The following DMD variants were observed in gnomAD, a reference collection of about 807,000 sequenced individuals.
The protein encoded by DMD is dystrophin.
Under a neutral mutation model 330.1 loss-of-function variants are expected in DMD, and 63 were observed. The ratio of observed to expected loss-of-function variants is 0.19; its 90% confidence interval spans 0.16 to 0.24. DMD has a LOEUF of 0.24. Among genes scored for constraint, DMD ranks in the 10% least tolerant of loss-of-function variants. The pLI is 1.00. For synonymous variants in DMD, 1,223 were observed against 959.8 expected (o/e 1.27, Z -5.07); for missense variants, 3,344 against 2,684.1 (o/e 1.25, Z -5.43).
intron 4 of DMD, among the ~76,000 whole-genome samples, chrX:32,835,125 A>C (rs1458117200): frequency 8.9e-6 from 1 of 112,102 alleles, no homozygotes; most frequent in Non-Finnish European, 1.9e-5. Flanking sequence ...GAACTTAGTT[A>C]TATCCAAGGA....
rs1343543119 is a variant in DMD at position 31,119,750 on chromosome X, C to T, written c.*2169G>A. On this transcript the variant is annotated 3_prime_UTR_variant, in exon 79 of 79. Coordinates refer to ENST00000357033, the MANE Select transcript of DMD (RefSeq NM_004006.3). The stretch of plus-strand genomic sequence containing the variant: ...TGTTTTAAATCTGAGTTTTAAAAAT[C>T]CTTGGGTAAAGAAAAGGTCCAGCGT... The T allele has an allele frequency of 9.0e-6, 1 of 110,975 alleles. No homozygotes were observed. Among genetic ancestry groups the T allele is most frequent in the African/African-American group, 3.3e-5 (1 of 30,634 alleles). 9.1% of individuals were successfully genotyped at this position (110,975 alleles called of 1,213,427 possible).
intron 1 of DMD, among the ~76,000 whole-genome samples, chrX:33,179,690 T>A (rs1281143711): frequency 1.0e-5 from 1 of 97,886 alleles, no homozygotes; most frequent in African/African-American, 4.3e-5. Flanking sequence ...CGAGACTCCG[T>A]CTCAAAAAAA....
At chrX:33,315,715 T>C in intron 1 of DMD, among the ~76,000 whole-genome samples, 1 of 112,059 alleles carries the variant, frequency 8.9e-6, no homozygotes, top group Non-Finnish European at 1.9e-5. Context: ...TGAGTCCTCC[T>C]AAGGAATAAT....
At chrX:31,951,111 C>CTATATATATA (rs1190843934) in intron 45 of DMD, among the ~76,000 whole-genome samples, 5 of 66,855 alleles carry the variant, frequency 7.5e-5, no homozygotes, top group Non-Finnish European at 1.1e-4. Flanking sequence ...AACACACATA[C>CTATATATATA]TATATATATA....
intron 47 of DMD, among the ~76,000 whole-genome samples, chrX:31,882,722 A>G (rs1245621846): frequency 8.9e-6 from 1 of 112,272 alleles, no homozygotes; most frequent in African/African-American, 3.2e-5. Flanking sequence ...ATGACTTCAC[A>G]TAAGAGGATA....
intron 7 of DMD, among the ~76,000 whole-genome samples, chrX:32,701,520 T>C (rs2147640291): frequency 8.9e-6 from 1 of 111,827 alleles, no homozygotes; most frequent in South Asian, 3.7e-4. Context: ...TTTCAAAATA[T>C]TTGACCAATT....
rs2052480693 is a variant in DMD, at chrX:33,236,273, T to C, written c.7+102986A>G. ...TTGGCTTCTCCTTCCTTTTTTTTTTTCTTTTTTTTTGACAAAGTTTCCCTC... is the reference window on the plus strand; with the variant it reads ...TTGGCTTCTCCTTCCTTTTTTTTTTCCTTTTTTTTTGACAAAGTTTCCCTC... On this transcript the variant is annotated intron_variant, in intron 1 of 17. Coordinates refer to the DMD transcript ENST00000288447. 2.9e-5 allele frequency among the ~76,000 whole-genome samples: 3 copies of C among 104,415 alleles called. No individual in the cohort carries two copies. The Admixed American group carries it at 3.2e-4, about 11-fold the overall frequency. 90.7% of individuals were successfully genotyped at this position (104,415 alleles called of 115,157 possible). A position where few individuals can be genotyped will look rare whatever the true frequency, so the allele number is the denominator to read the frequency against.
chrX:33,142,933 G>A (rs756453165), intron 1 of DMD, among the ~76,000 whole-genome samples: 16 of 111,563 alleles, frequency 1.4e-4, no homozygotes, highest in Admixed American at 5.8e-4. Context: ...GGAGTCAGAT[G>A]TTCAGTATGA....
intron 45 of DMD, among the ~76,000 whole-genome samples, chrX:31,948,120 A>T (rs1036216589): frequency 2.7e-5 from 3 of 111,437 alleles, no homozygotes; most frequent in Non-Finnish European, 3.8e-5. Flanking sequence ...ATCATTCAGT[A>T]TTTGCCCTTT....
At chrX:31,757,499 C>G (rs2089212560) in intron 51 of DMD, among the ~76,000 whole-genome samples, 1 of 111,564 alleles carries the variant, frequency 9.0e-6, no homozygotes, top group African/African-American at 3.3e-5. Context: ...TTATAAACAA[C>G]AGAATTTATT....
At position 32,109,278 on chromosome X, in the gene DMD, G is replaced by C. The variant is rs2096578618; in HGVS notation, c.6438+107638C>G. The stretch of plus-strand genomic sequence containing the variant: ...TGCATTTAGAGACTCTATGCGCCCA[G>C]AATAATTCTGTGATATGTATTTCTC... On this transcript the variant is annotated intron_variant, in intron 44 of 78. Coordinates refer to ENST00000357033, the MANE Select transcript of DMD (RefSeq NM_004006.3). 2.7e-5 allele frequency among the ~76,000 whole-genome samples: 3 copies of C among 110,532 alleles called. No homozygotes were observed. The Admixed American group carries it at 2.9e-4, about 11-fold the overall frequency.
intron 55 of DMD, among the ~76,000 whole-genome samples, chrX:31,596,814 C>T (rs771158000): frequency 8.9e-6 from 1 of 112,223 alleles, no homozygotes; most frequent in African/African-American, 3.2e-5. Flanking sequence ...GTACATATAA[C>T]ATCCTAGAGC....
rs563310793 is a variant in DMD at position 32,119,328 on chromosome X, T to TAAA, written c.6438+97585_6438+97587dup. Reference sequence around the variant, plus strand: ...CACCTGGATGACAGAGTGAGACAGTTAAAAAAAAAAAAAAAAAAGCCAAAA... The same window carrying TAAA: ...CACCTGGATGACAGAGTGAGACAGTTAAAAAAAAAAAAAAAAAAAAAGCCAAAA... On this transcript the variant is annotated intron_variant, in intron 44 of 78. Transcript: ENST00000357033. Among the ~76,000 whole-genome samples, 266 of 73,068 alleles carry TAAA rather than the reference T, an allele frequency of 3.6e-3. 7 individuals are homozygous for TAAA. Among genetic ancestry groups the TAAA allele is most frequent in the African/African-American group, 7.2e-3 (140 of 19,417 alleles). 63.5% of individuals were successfully genotyped at this position (73,068 alleles called of 115,157 possible). A position where few individuals can be genotyped will look rare whatever the true frequency, so the allele number is the denominator to read the frequency against.
chrX:32,601,688 G>A (rs1426967679), intron 12 of DMD, among the ~76,000 whole-genome samples: 1 of 73,705 alleles, frequency 1.4e-5, no homozygotes, highest in Non-Finnish European at 2.9e-5. Context: ...TTTTCTATGT[G>A]TAATTCCTGG....
chrX:32,430,591 C>A (rs1286746907), intron 29 of DMD, among the ~76,000 whole-genome samples: 1 of 111,642 alleles, frequency 9.0e-6, no homozygotes, highest in Non-Finnish European at 1.9e-5. Context: ...AAGGTCTATC[C>A]TCTTAGCAAA....
intron 2 of DMD, among the ~76,000 whole-genome samples, chrX:32,912,347 G>T (rs2087343711): frequency 9.0e-6 from 1 of 110,795 alleles, no homozygotes; most frequent in African/African-American, 3.3e-5. Context: ...TGGAAGCCTG[G>T]CACACACAGT....
intron 25 of DMD, among the ~76,000 whole-genome samples, chrX:32,463,218 G>A (rs1230690888): frequency 9.0e-6 from 1 of 111,595 alleles, no homozygotes; most frequent in African/African-American, 3.3e-5. Context: ...GTTCAAGAAA[G>A]TCATTTTAGG....
chrX:32,306,828 G>A (rs115702077), intron 42 of DMD, among the ~76,000 whole-genome samples: 1,550 of 111,066 alleles, frequency 0.014, 24 homozygotes, highest in African/African-American at 0.047. Flanking sequence ...TTCAGGTGAA[G>A]ACATTCTGCT....
chrX:32,357,944 A>G (rs757027716), intron 37 of DMD, among the ~76,000 whole-genome samples: 1 of 109,329 alleles, frequency 9.1e-6, no homozygotes, highest in Admixed American at 1.0e-4. Context: ...TGCTGGAGTG[A>G]CTGCTAAACT....
Sources: allele counts gnomAD v4.1 joint callset (sites outside exome capture counted in the v4.1 genomes callset), GRCh38; gene constraint gnomAD v4.1.1; transcripts MANE v1.5; gene names NCBI Gene and HGNC (gene_info 2026-07-23, HGNC 2026-07-21).